Variants in LPP observed in about 807,000 individuals in gnomAD.
LPP encodes the protein LIM domain containing preferred translocation partner in lipoma.
LPP carries 38 observed loss-of-function variants against 60.4 expected under a neutral mutation model. The observed-to-expected ratio is 0.63, with a 90% CI of 0.49 to 0.83. The LOEUF (loss-of-function observed/expected upper bound fraction) is 0.83, where lower values mean the gene tolerates loss of function less well. Ranked by LOEUF, LPP falls within the 40% of genes least tolerant of loss-of-function variation. LPP has a pLI of 0.00. For synonymous variants in LPP, 328 were observed against 290.8 expected, an observed-to-expected ratio of 1.13 and a Z score of -1.30; for missense variants, 902 against 783.6, an observed-to-expected ratio of 1.15 and a Z score of -1.80.
At chr3:188,309,734 TGC>T (rs1752783885) in intron 2 of LPP, among the ~76,000 whole-genome samples, 1 of 152,168 alleles carries the variant, frequency 6.6e-6, no homozygotes, top group Admixed American at 6.5e-5. Context: ...TGAGGTGGCT[TGC>T]TTGTTTTGAA....
chr3:188,553,252 A>G (rs1828641302), intron 6 of LPP, among the ~76,000 whole-genome samples: 1 of 152,092 alleles, frequency 6.6e-6, no homozygotes, highest in Admixed American at 6.6e-5. Context: ...TTCCCATATC[A>G]TGTGTTTTTC....
intron 6 of LPP, among the ~76,000 whole-genome samples, chr3:188,546,056 G>C (rs999192239): frequency 6.6e-6 from 1 of 152,068 alleles, no homozygotes; most frequent in Non-Finnish European, 1.5e-5. Context: ...CTTAATATCT[G>C]CCAGACATGT....
At chr3:188,696,427 G>A (rs1306235490) in intron 7 of LPP, among the ~76,000 whole-genome samples, 3 of 152,098 alleles carry the variant, frequency 2.0e-5, no homozygotes, top group Admixed American at 6.5e-5. Context: ...GAGGTCAGGA[G>A]TTAGAGACCA....
intron 4 of LPP, among the ~76,000 whole-genome samples, chr3:188,418,787 C>A (rs765297480): frequency 2.0e-5 from 3 of 151,946 alleles, no homozygotes; most frequent in Non-Finnish European, 4.4e-5. Flanking sequence ...TGTCTCAAGG[C>A]GACATTATTT....
chr3:188,821,990 CT>C (rs368761818), intron 9 of LPP, among the ~76,000 whole-genome samples: 1 of 152,210 alleles, frequency 6.6e-6, no homozygotes, highest in East Asian at 1.9e-4. Context: ...TGGTAGCCCC[CT>C]AAGATGCTGT....
intron 8 of LPP, among the ~76,000 whole-genome samples, chr3:188,756,048 A>G (rs1364698519): frequency 2.6e-5 from 4 of 152,078 alleles, no homozygotes; most frequent in Admixed American, 2.6e-4. Context: ...GAGGTAAATC[A>G]GAGATATCAG....
chr3:188,457,982 A>T (rs1432803815), intron 4 of LPP, among the ~76,000 whole-genome samples: 1 of 152,130 alleles, frequency 6.6e-6, no homozygotes, highest in Non-Finnish European at 1.5e-5. Context: ...AGAAATATGA[A>T]GCATATTGGT....
chr3:188,685,347 G>A (rs775834809), intron 7 of LPP, among the ~76,000 whole-genome samples: 5 of 152,068 alleles, frequency 3.3e-5, no homozygotes, highest in South Asian at 2.1e-4. Flanking sequence ...GTTCACAGCC[G>A]TGAGCATAGT....
intron 3 of LPP, among the ~76,000 whole-genome samples, chr3:188,390,488 G>A (rs1406988434): frequency 1.3e-5 from 2 of 151,782 alleles, no homozygotes; most frequent in African/African-American, 4.8e-5. Context: ...CATGGGATAA[G>A]CTAGGCAGGA....
At chr3:188,334,508 C>T (rs868797597) in intron 2 of LPP, among the ~76,000 whole-genome samples, 1 of 149,338 alleles carries the variant, frequency 6.7e-6, no homozygotes, top group Non-Finnish European at 1.5e-5. Context: ...CTGCAAGCTC[C>T]GCCTCCTGGC....
At chr3:188,600,283 A>G (rs1840870390) in intron 6 of LPP, among the ~76,000 whole-genome samples, 1 of 149,258 alleles carries the variant, frequency 6.7e-6, no homozygotes, top group Non-Finnish European at 1.5e-5. Context: ...TATATAATAT[A>G]TATTTCTTCC....
intron 8 of LPP, among the ~76,000 whole-genome samples, chr3:188,718,016 T>A (rs1364554784): frequency 6.6e-6 from 1 of 152,152 alleles, no homozygotes; most frequent in Non-Finnish European, 1.5e-5. Context: ...AGACGAGGTT[T>A]CTCCATGTTG....
intron 6 of LPP, among the ~76,000 whole-genome samples, chr3:188,596,051 C>T (rs553333600): frequency 6.6e-6 from 1 of 152,200 alleles, no homozygotes; most frequent in Admixed American, 6.5e-5. Flanking sequence ...AACCTGCTCG[C>T]AATTTATTTT....
At chr3:188,862,716 AAAAT>A (rs1168674491) in intron 9 of LPP, among the ~76,000 whole-genome samples, 2 of 104,764 alleles carry the variant, frequency 1.9e-5, no homozygotes. Context: ...ACTAGACAAA[AAAAT>A]AAATAAATAA....
intron 5 of LPP, among the ~76,000 whole-genome samples, chr3:188,509,869 T>TTGTC (rs1560498041): frequency 9.8e-5 from 6 of 61,536 alleles, no homozygotes; most frequent in South Asian, 9.4e-4. Flanking sequence ...ATTTTTTTTT[T>TTGTC]GTTGTTTTTT....
chr3:188,326,771 A>G (rs1758539693), intron 2 of LPP, among the ~76,000 whole-genome samples: 1 of 152,150 alleles, frequency 6.6e-6, no homozygotes, highest in Non-Finnish European at 1.5e-5. Flanking sequence ...TCAGAATTAT[A>G]TTTCTAATTT....
intron 4 of LPP, among the ~76,000 whole-genome samples, chr3:188,469,260 A>G (rs1801200143): frequency 6.6e-6 from 1 of 152,102 alleles, no homozygotes; most frequent in Non-Finnish European, 1.5e-5. Flanking sequence ...CTGTGTGTTT[A>G]TACATCAAAG....
intron 3 of LPP, among the ~76,000 whole-genome samples, chr3:188,353,476 C>T (rs1766564918): frequency 6.6e-6 from 1 of 152,148 alleles, no homozygotes; most frequent in African/African-American, 2.4e-5. Context: ...TATTATTATC[C>T]TTATTTTACA....
chr3:188,557,330 A>T (rs1829714004), intron 6 of LPP, among the ~76,000 whole-genome samples: 1 of 152,128 alleles, frequency 6.6e-6, no homozygotes, highest in African/African-American at 2.4e-5. Context: ...ATTCTTGAAA[A>T]GCGGTTTTGC....
Sources: allele counts gnomAD v4.1 joint callset (sites outside exome capture counted in the v4.1 genomes callset), GRCh38; gene constraint gnomAD v4.1.1; transcripts MANE v1.5; gene names NCBI Gene and HGNC (gene_info 2026-07-23, HGNC 2026-07-21).